The following SORT1 variants were observed in gnomAD, a reference collection of about 807,000 sequenced individuals.
SORT1 encodes the protein sortilin 1.
In SORT1, 39 loss-of-function variants were observed where a neutral mutation model predicts 101.7. That is an observed-to-expected ratio of 0.38 (90% CI 0.30 to 0.50). The LOEUF is 0.50. Among genes scored for constraint, SORT1 ranks in the 20% least tolerant of loss-of-function variants. The probability of loss-of-function intolerance (pLI) is 0.90; values close to 1 mark genes in which losing one functional copy is unlikely to be tolerated. For missense variants in SORT1, 878 were observed against 1,040.4 expected, an observed-to-expected ratio of 0.84 and a Z score of 2.15; for synonymous variants, 396 against 393.7, an observed-to-expected ratio of 1.01 and a Z score of -0.07.
Position 109,367,935 on chromosome 1 carries a change from C to A in SORT1, c.367-454G>T, listed in dbSNP as rs145190855. Among the ~76,000 whole-genome samples the A allele has an allele frequency of 3.4e-4, 51 of 152,180 alleles. 1 individual carries two copies. The East Asian group carries it at 9.8e-3, about 29-fold the overall frequency. On this transcript the variant is annotated intron_variant, in intron 2 of 19. Transcript: ENST00000256637. ...AGTACCTTATCTACCAAAAACTATG[C>A]ATGAGGAAATGATTCTGGATGGATT...
intron 13 of SORT1, among the ~76,000 whole-genome samples, chr1:109,325,426 A>T (rs1366129138): frequency 6.6e-6 from 1 of 151,450 alleles, no homozygotes; most frequent in African/African-American, 2.4e-5. Context: ...TTTTTAGTAG[A>T]AATGGAGTTT....
At chr1:109,351,965 G>GGGGTGTGTGTGTGTGTGTGTGT (rs932648162) in intron 5 of SORT1, among the ~76,000 whole-genome samples, 43 of 147,412 alleles carry the variant, frequency 2.9e-4, no homozygotes, top group African/African-American at 9.8e-4. Context: ...GAGAGGTAGG[G>GGGGTGTGTGTGTGTGTGTGTGT]GTGTGTGTGT....
rs754907770 is a variant in SORT1 at position 109,345,861 on chromosome 1, C to T, written c.853G>A (p.Glu285Lys). ...GSCKADLGAL[E>K]LWRTSDLGKS... is the part of the protein sequence containing the mutation. ...CCCAAGTCTGAAGTTCTCCATAATT[C>T]CAGAGCCCCAAGGTCAGCTTCTTAA... The change falls in exon 8 of 20, where the codon GAA becomes AAA. Residue 285 changes from glutamate to lysine, a missense_variant. By Grantham distance (56) the Glu-to-Lys change is moderately conservative. Transcript: ENST00000256637. The T allele has an allele frequency of 1.2e-5, 20 of 1,613,060 alleles. No individual in the cohort carries two copies. In the East Asian group the frequency reaches 4.2e-4, roughly 34 times the overall value.
In SORT1 at chr1:109,325,072, C is replaced by T; in HGVS notation, c.1661G>A (p.Gly554Asp). The T allele has an allele frequency of 6.2e-7, 1 of 1,610,972 alleles. No homozygotes were observed. Among genetic ancestry groups the T allele is most frequent in the Non-Finnish European group, 8.5e-7 (1 of 1,177,630 alleles). Residue 554 changes from glycine to aspartate, a missense_variant, in exon 14 of 20, where the codon GGT (glycine) becomes GAT (aspartate). By Grantham distance (94) the Gly-to-Asp change is moderately conservative (BLOSUM62 -1). Transcript: ENST00000256637. ...GAACGTGTAGGTTTGCCAGCATTGA[C>T]CTTCGTCTGTGGAGAACCTGAAACC... ...INVIKFSTDE[G>D]QCWQTYTFTR... is the part of the protein sequence containing the mutation.
intron 1 of SORT1, among the ~76,000 whole-genome samples, chr1:109,388,414 A>AT (rs869258638): frequency 1.3e-5 from 2 of 148,728 alleles, no homozygotes; most frequent in Non-Finnish European, 3.0e-5. Context: ...AATTAAAAAA[A>AT]TTTTTTTATA....
intron 1 of SORT1, among the ~76,000 whole-genome samples, chr1:109,386,251 A>T (rs766044283): frequency 6.6e-6 from 1 of 152,188 alleles, no homozygotes; most frequent in Non-Finnish European, 1.5e-5. Context: ...GGCAAAAGTG[A>T]TGAAGGACTC....
chr1:109,314,566 A>G, intron 18 of SORT1, 106 bp downstream of exon 18: 1 of 1,056,454 alleles, frequency 9.5e-7, no homozygotes, highest in South Asian at 1.5e-5. Flanking sequence ...TTTCAGGAAC[A>G]GTACTGCAAG....
At chr1:109,338,222 AG>A (rs1342129910) in intron 10 of SORT1, among the ~76,000 whole-genome samples, 1 of 152,156 alleles carries the variant, frequency 6.6e-6, no homozygotes, top group Non-Finnish European at 1.5e-5. Flanking sequence ...GGAGAAACAG[AG>A]GGAACTGTCG....
intron 1 of SORT1, among the ~76,000 whole-genome samples, chr1:109,380,813 C>CAAAAAAAAAAAAAA (rs60568166): frequency 4.1e-5 from 2 of 49,220 alleles, no homozygotes; most frequent in African/African-American, 9.6e-5. Context: ...CCTGTCGCCA[C>CAAAAAAAAAAAAAA]AAAAAAAAAA....
chr1:109,321,254 G>A (rs1486865070), intron 15 of SORT1, among the ~76,000 whole-genome samples: 1 of 152,094 alleles, frequency 6.6e-6, no homozygotes, highest in Non-Finnish European at 1.5e-5. Flanking sequence ...AACTCTGGGG[G>A]TCTAGATGAG....
chr1:109,370,837 A>C (rs547632745), intron 1 of SORT1, among the ~76,000 whole-genome samples: 18 of 152,340 alleles, frequency 1.2e-4, no homozygotes, highest in Middle Eastern at 3.4e-3. Flanking sequence ...GAAAATGATT[A>C]CACATCCTCC....
chr1:109,396,920 T>A (rs530413114), intron 1 of SORT1, among the ~76,000 whole-genome samples: 1 of 152,340 alleles, frequency 6.6e-6, no homozygotes, highest in Admixed American at 6.5e-5. Flanking sequence ...AGAAATCCCA[T>A]AATTTTGAAA....
chr1:109,397,823 G>A lies in SORT1; in HGVS notation c.70C>T (p.Leu24=). Residue 24 remains leucine, a synonymous_variant, in exon 1 of 20, where the codon CTG becomes TTG. Coordinates refer to ENST00000256637, the MANE Select transcript of SORT1 (RefSeq NM_002959.7). ...AGGGTCGACGGCGGCAGCAGCTGCA[G>A]GAGGAGGAGGAGGCCGAGGCCATGG... ...WPHGLGLLLL[L]QLLPPSTLSQ... 7.8e-7 allele frequency: 1 copy of A among 1,287,334 alleles called. No homozygotes were observed. Among genetic ancestry groups the A allele is most frequent in the South Asian group, 1.8e-5 (1 of 55,942 alleles). The allele number at this position is 1,287,334 out of a possible 1,614,324, so 79.7% of individuals were successfully genotyped here.
intron 13 of SORT1, among the ~76,000 whole-genome samples, chr1:109,326,450 TATATATATATATATAC>T (rs1212072420): frequency 1.5e-3 from 41 of 27,652 alleles, no homozygotes; most frequent in African/African-American, 2.8e-3. Context: ...TATATATATA[TATATATATATATATAC>T]ATACACACAC....
chr1:109,373,647 G>A (rs889798519), intron 1 of SORT1, among the ~76,000 whole-genome samples: 10 of 152,142 alleles, frequency 6.6e-5, no homozygotes, highest in African/African-American at 2.4e-4. Context: ...TGCCGGTCCC[G>A]CCTAAAAATG....
At chr1:109,352,089 G>A (rs900042654) in intron 5 of SORT1, among the ~76,000 whole-genome samples, 1 of 151,982 alleles carries the variant, frequency 6.6e-6, no homozygotes, top group Non-Finnish European at 1.5e-5. Flanking sequence ...TCATTAACTA[G>A]TATAAGGATT....
intron 13 of SORT1, among the ~76,000 whole-genome samples, chr1:109,325,907 G>GC (rs920333177): frequency 1.1e-4 from 17 of 152,162 alleles, no homozygotes; most frequent in African/African-American, 4.1e-4. Flanking sequence ...TGACTGAGAC[G>GC]CAAGAATCAT....
intron 15 of SORT1, among the ~76,000 whole-genome samples, chr1:109,319,606 C>A (rs1647478450): frequency 6.6e-6 from 1 of 152,178 alleles, no homozygotes; most frequent in Non-Finnish European, 1.5e-5. Context: ...GTGGCTCATG[C>A]CTATAATCCT....
At chr1:109,374,418 C>T (rs143813593) in intron 1 of SORT1, among the ~76,000 whole-genome samples, 58 of 151,882 alleles carry the variant, frequency 3.8e-4, no homozygotes, top group African/African-American at 1.2e-3. Flanking sequence ...ACTAAAAATA[C>T]GAAAATTACT....
Sources: allele counts gnomAD v4.1 joint callset (sites outside exome capture counted in the v4.1 genomes callset), GRCh38; gene constraint gnomAD v4.1.1; transcripts MANE v1.5; gene names NCBI Gene and HGNC (gene_info 2026-07-23, HGNC 2026-07-21).